Variants in PRKAA1 observed in about 807,000 individuals in gnomAD.
PRKAA1 encodes the protein protein kinase AMP-activated catalytic subunit alpha 1, also known as 5'-AMP-activated protein kinase catalytic subunit alpha-1.
Under a neutral mutation model 56.9 loss-of-function variants are expected in PRKAA1, and 23 were observed. That is an observed-to-expected ratio of 0.40 (90% CI 0.29 to 0.57). PRKAA1 has a LOEUF of 0.57. Ranked by LOEUF, PRKAA1 falls within the 20% of genes least tolerant of loss-of-function variation. PRKAA1 has a pLI of 0.39. For synonymous variants in PRKAA1, 226 were observed against 227.0 expected, an observed-to-expected ratio of 1.00 and a Z score of 0.04; for missense variants, 413 against 679.7, an observed-to-expected ratio of 0.61 and a Z score of 4.36.
Position 40,777,439 on chromosome 5 carries a change from G to A in PRKAA1, c.269+6C>T. The A allele has an allele frequency of 6.2e-7, 1 of 1,605,086 alleles. No homozygotes were observed. The highest frequency in any genetic ancestry group is 8.5e-7 in the Non-Finnish European group (1 of 1,173,574). ...CTGGACTATATTTAATATAAACAGA[G>A]CTTACAGTTTAATTATATGAGGATG... On this transcript the variant is annotated splice_donor_region_variant and intron_variant, in intron 2 of 8. Coordinates refer to ENST00000397128, the MANE Select transcript of PRKAA1 (RefSeq NM_006251.6).
At chr5:40,764,267 A>T in intron 8 of PRKAA1, 1 of 290,474 alleles carries the variant, frequency 3.4e-6, no homozygotes, top group Non-Finnish European at 6.3e-6. Context: ...CTATCACCTT[A>T]GGATCAGACT....
Position 40,769,400 on chromosome 5 carries a change from G to A in PRKAA1, c.596+16C>T. ...AATTTCAAATGTATTGAGGGAGGCA[G>A]GGTATCAAATACTACCTTCCTGAAA... On this transcript the variant is annotated intron_variant, in intron 5 of 8. Coordinates refer to ENST00000397128, the MANE Select transcript of PRKAA1 (RefSeq NM_006251.6). 1 of 1,564,908 alleles carries A rather than the reference G, an allele frequency of 6.4e-7. No homozygotes were observed. Among genetic ancestry groups the A allele is most frequent in the Non-Finnish European group, 8.8e-7 (1 of 1,138,330 alleles).
chr5:40,771,481 G>A (rs1282153122), intron 4 of PRKAA1, among the ~76,000 whole-genome samples: 2 of 152,174 alleles, frequency 1.3e-5, no homozygotes, highest in South Asian at 2.1e-4. Context: ...CAGCCTGGGC[G>A]ACAAAGCGAA....
intron 8 of PRKAA1, 40 bp from the exon 9 acceptor site, chr5:40,763,062 T>G (rs1743266432): frequency 6.3e-7 from 1 of 1,595,728 alleles, no homozygotes. Context: ...GTCTATGACC[T>G]TCTCCCAAAA....
At chr5:40,772,035 G>A (rs1167430038) in intron 3 of PRKAA1, among the ~76,000 whole-genome samples, 172 bp from the exon 4 acceptor site, 1 of 152,196 alleles carries the variant, frequency 6.6e-6, no homozygotes, top group Non-Finnish European at 1.5e-5. Context: ...AAACAGAAAT[G>A]CTAAGATGGT....
At chr5:40,790,843 G>A (rs541156842) in intron 1 of PRKAA1, among the ~76,000 whole-genome samples, 7 of 152,168 alleles carry the variant, frequency 4.6e-5, no homozygotes, top group African/African-American at 1.7e-4. Flanking sequence ...CCGGCCTTCA[G>A]TAGCATAATA....
In PRKAA1 at chr5:40,764,619, G is replaced by A. The variant is rs1433191043; in HGVS notation, c.1330C>T (p.Arg444Cys). ...GTCACAGGATTCTTCCTTCGTACAC[G>A]CAAATAATATGGGTTTACAACCTAG... is the stretch of plus-strand genomic sequence containing the variant. ...EWKVVNPYYL[R>C]VRRKNPVTST... Residue 444 changes from arginine to cysteine, a missense_variant, in exon 8 of 9, where the codon CGT (arginine) becomes TGT (cysteine). Arg to Cys is a radical substitution (Grantham distance 180). Coordinates refer to ENST00000397128, the MANE Select transcript of PRKAA1 (RefSeq NM_006251.6). 3.1e-6 allele frequency: 5 copies of A among 1,613,848 alleles called. No individual in the cohort carries two copies. The highest frequency in any genetic ancestry group is 1.1e-5 in the South Asian group (1 of 91,058).
At chr5:40,779,950 T>C (rs1309286016) in intron 1 of PRKAA1, among the ~76,000 whole-genome samples, 4 of 152,200 alleles carry the variant, frequency 2.6e-5, no homozygotes, top group Admixed American at 2.0e-4. Flanking sequence ...ACAGAATTTA[T>C]ACCTGCAGTA....
rs199697196 is a variant in PRKAA1 at position 40,772,513 on chromosome 5, T to G, written c.364-650A>C. Among the ~76,000 whole-genome samples, 5 of 152,160 alleles carry G rather than the reference T, an allele frequency of 3.3e-5. No individual in the cohort carries two copies. In the East Asian group the frequency reaches 9.6e-4, roughly 29 times the overall value. ...AGAAGACATTTTAACAACAAACACC[T>G]TAATTCATTTAATAAAATATCATAG... On this transcript the variant is annotated intron_variant, in intron 3 of 8. Coordinates refer to ENST00000397128, the MANE Select transcript of PRKAA1 (RefSeq NM_006251.6).
chr5:40,797,662 C>A (rs983948790), intron 1 of PRKAA1, among the ~76,000 whole-genome samples: 1 of 152,228 alleles, frequency 6.6e-6, no homozygotes, highest in Non-Finnish European at 1.5e-5. Context: ...ATGGGCTGGC[C>A]CTGAGCCAAG....
intron 1 of PRKAA1, 90 bp downstream of exon 1, chr5:40,797,973 G>A (rs1745016037): frequency 6.5e-7 from 1 of 1,527,402 alleles, no homozygotes. Flanking sequence ...AAGAAGGGAC[G>A]CAGCGGGCGG....
chr5:40,796,448 A>AT (rs397975456), intron 1 of PRKAA1, among the ~76,000 whole-genome samples: 2,406 of 149,054 alleles, frequency 0.016, 62 homozygotes, highest in African/African-American at 0.049. Flanking sequence ...AAAAATGAAC[A>AT]TTTTTTTTTT....
chr5:40,789,889 C>G (rs1164155261), intron 1 of PRKAA1, among the ~76,000 whole-genome samples: 2 of 152,112 alleles, frequency 1.3e-5, no homozygotes, highest in Admixed American at 1.3e-4. Context: ...ACATTGTGCC[C>G]CATAAATATA....
intron 1 of PRKAA1, among the ~76,000 whole-genome samples, chr5:40,789,612 G>A (rs770343790): frequency 1.3e-5 from 2 of 152,190 alleles, no homozygotes; most frequent in Non-Finnish European, 2.9e-5. Flanking sequence ...GTAGAATGGT[G>A]ATTACCAGTA....
At chr5:40,781,291 G>A (rs372901158) in intron 1 of PRKAA1, among the ~76,000 whole-genome samples, 13 of 152,146 alleles carry the variant, frequency 8.5e-5, no homozygotes, top group African/African-American at 3.1e-4. Flanking sequence ...ATGATCACCA[G>A]TAGAATTTAG....
intron 2 of PRKAA1, chr5:40,777,158 G>A (rs1025902391): frequency 9.1e-5 from 18 of 197,668 alleles, no homozygotes; most frequent in African/African-American, 3.5e-4. Flanking sequence ...TATTACAGGC[G>A]CCCACCACCA....
chr5:40,788,604 C>T (rs1424092104), intron 1 of PRKAA1, among the ~76,000 whole-genome samples: 10 of 152,040 alleles, frequency 6.6e-5, no homozygotes, highest in Middle Eastern at 3.2e-3. Context: ...CCGAGGCAGG[C>T]GGATCACAAG....
chr5:40,764,338 T>C (rs12517210), intron 8 of PRKAA1, 176 bp downstream of exon 8: 237,095 of 605,708 alleles, frequency 0.39, 48,796 homozygotes, highest in Admixed American at 0.48. Flanking sequence ...GCTATAAGAT[T>C]ACAAGAAAAA....
At position 40,764,516 on chromosome 5, in the gene PRKAA1, T is replaced by C. The variant is rs770267711; in HGVS notation, c.1433A>G (p.Asp478Gly). 1 of 1,610,912 alleles carries C rather than the reference T, an allele frequency of 6.2e-7. No homozygotes were observed. The highest frequency in any genetic ancestry group is 8.5e-7 in the Non-Finnish European group (1 of 1,178,886). ...GTTGTTTTGTGTGATGTACATACCA[T>C]CAATACTACGGAAATCCAGTAGATA... ...RTYLLDFRSI[D>G]DEITEAKSGT... Residue 478 changes from aspartate to glycine, a missense_variant and splice_region_variant, in exon 8 of 9, where the codon GAT becomes GGT. By Grantham distance (94) the Asp-to-Gly change is moderately conservative. This residue lies in a region of PRKAA1 where 139 missense variants were observed against 171.5 expected (regional missense o/e 0.81). Transcript: ENST00000397128.
Sources: gnomAD v4.1 joint callset for allele counts (sites outside exome capture counted in the v4.1 genomes callset) on GRCh38, gnomAD v4.1.1 for gene constraint, gnomAD v4.1.1 regional missense constraint, MANE v1.5 for transcripts, NCBI Gene and HGNC (gene_info 2026-07-23, HGNC 2026-07-21) for gene names.